INPP5A: variants seen among roughly 807,000 people sequenced by gnomAD.
The protein encoded by INPP5A is 43 kDa inositol polyphosphate 5-phophatase.
A neutral mutation model predicts 65.2 loss-of-function variants in INPP5A; 14 were observed. The observed-to-expected ratio is 0.21, with a 90% CI of 0.14 to 0.34. The LOEUF (loss-of-function observed/expected upper bound fraction) is 0.34. Ranked by LOEUF, INPP5A falls within the 10% of genes least tolerant of loss-of-function variation. The pLI, the probability that INPP5A is intolerant of heterozygous loss-of-function variation, is 1.00. For missense variants in INPP5A, 431 were observed against 545.6 expected, an observed-to-expected ratio of 0.79 and a Z score of 2.09; for synonymous variants, 207 against 208.3, an observed-to-expected ratio of 0.99 and a Z score of 0.05.
intron 8 of INPP5A, among the ~76,000 whole-genome samples, chr10:132,719,923 A>G (rs1174285278): frequency 1.2e-3 from 127 of 102,656 alleles, no homozygotes; most frequent in East Asian, 4.1e-3. Context: ...CTGTCTGGGC[A>G]CCTTAGACGG....
intron 8 of INPP5A, among the ~76,000 whole-genome samples, chr10:132,722,427 TA>T (rs966808580): frequency 6.6e-6 from 1 of 152,188 alleles, no homozygotes; most frequent in Admixed American, 6.5e-5. Context: ...TCGAGTCTGA[TA>T]TTTTTTAGGG....
intron 2 of INPP5A, among the ~76,000 whole-genome samples, chr10:132,615,721 C>A (rs1018218911): frequency 2.0e-5 from 3 of 152,168 alleles, no homozygotes; most frequent in African/African-American, 7.2e-5. Context: ...AGGTGGGCAC[C>A]CTTGCTTGAA....
At chr10:132,739,400 G>GT (rs1846234620) in intron 9 of INPP5A, among the ~76,000 whole-genome samples, 1 of 152,244 alleles carries the variant, frequency 6.6e-6, no homozygotes, top group East Asian at 1.9e-4. Flanking sequence ...GAGGCCCGTG[G>GT]TGGGGGCGTG....
chr10:132,752,298 C>T (rs1043263677), intron 11 of INPP5A, among the ~76,000 whole-genome samples: 3 of 151,868 alleles, frequency 2.0e-5, no homozygotes, highest in African/African-American at 7.2e-5. Context: ...CCAGGGAAGC[C>T]CAGGGAGATG....
intron 1 of INPP5A, among the ~76,000 whole-genome samples, chr10:132,596,957 ATGTGTGCGTGTGTGCATGCG>A (rs2071707887): frequency 2.5e-5 from 3 of 119,346 alleles, no homozygotes; most frequent in African/African-American, 9.6e-5. Flanking sequence ...GTGTGCACAC[ATGTGTGCGTGTGTGCATGCG>A]TGTGTGCATG....
At chr10:132,609,019 C>G (rs1329061489) in intron 2 of INPP5A, among the ~76,000 whole-genome samples, 1 of 152,184 alleles carries the variant, frequency 6.6e-6, no homozygotes, top group Non-Finnish European at 1.5e-5. Flanking sequence ...TCCCAGCATG[C>G]AATGGTGCTC....
chr10:132,765,523 C>CAGAGAAAGCTTTATGGGTGGGCAGAG, intron 11 of INPP5A, among the ~76,000 whole-genome samples: 1 of 152,150 alleles, frequency 6.6e-6, no homozygotes, highest in Non-Finnish European at 1.5e-5. Flanking sequence ...TCTGGCGTCA[C>CAGAGAAAGCTTTATGGGTGGGCAGAG]CAACAGAGAA....
Position 132,545,891 on chromosome 10 carries a change from G to C in INPP5A, c.75+7720G>C, listed in dbSNP as rs1304414711. ...AAGGCCGACTGCCTCAATCGTGGTTGCTGCCTCCGCTCGGCCTGAGGTGAT... is the reference window on the plus strand; with the variant it reads ...AAGGCCGACTGCCTCAATCGTGGTTCCTGCCTCCGCTCGGCCTGAGGTGAT... On this transcript the variant is annotated intron_variant, in intron 1 of 15. Transcript: ENST00000368594. This position sits in a 1 kb window ranked among gnomAD's most constrained non-coding sequence, Gnocchi z 4.6. Among the ~76,000 whole-genome samples, 2 of 152,254 alleles carry C rather than the reference G, an allele frequency of 1.3e-5. No homozygotes were observed. The highest frequency in any genetic ancestry group is 2.9e-5 in the Non-Finnish European group (2 of 68,052).
chr10:132,638,261 C>A (rs1049467146), intron 2 of INPP5A, among the ~76,000 whole-genome samples: 1 of 152,182 alleles, frequency 6.6e-6, no homozygotes, highest in African/African-American at 2.4e-5. Context: ...TAGGCTGGGC[C>A]TCCCACTTTC....
rs924038550 is a variant in INPP5A, at chr10:132,538,858, C to G, written c.75+687C>G. On this transcript the variant is annotated intron_variant, in intron 1 of 15. Coordinates refer to ENST00000368594, the MANE Select transcript of INPP5A (RefSeq NM_005539.5). The surrounding 1 kb of genome is among the most constrained non-coding windows in gnomAD (Gnocchi z 4.1). ...TCACTGAATTCTAGCCCTAGAATCC[C>G]AGCCTTCATACTGTGGCCCTTTGCC... 1.3e-5 allele frequency among the ~76,000 whole-genome samples: 2 copies of G among 152,232 alleles called. No homozygotes were observed. The highest frequency in any genetic ancestry group is 2.9e-5 in the Non-Finnish European group (2 of 68,038).
intron 1 of INPP5A, among the ~76,000 whole-genome samples, chr10:132,585,824 C>A (rs183754778): frequency 6.6e-6 from 1 of 152,326 alleles, no homozygotes; most frequent in East Asian, 1.9e-4. Context: ...GTGTCGTCAG[C>A]GGCTGCCCTG....
chr10:132,665,319 C>T (rs903316562), intron 4 of INPP5A, among the ~76,000 whole-genome samples: 3 of 152,232 alleles, frequency 2.0e-5, no homozygotes, highest in African/African-American at 7.2e-5. Flanking sequence ...CAGAAACGCC[C>T]TTCCTAGGAG....
chr10:132,673,057 T>C (rs1289339288), intron 4 of INPP5A, among the ~76,000 whole-genome samples: 1 of 152,350 alleles, frequency 6.6e-6, no homozygotes, highest in African/African-American at 2.4e-5. Flanking sequence ...CTGTATTCCA[T>C]GTATACTCTT....
chr10:132,732,163 T>A (rs1036124242), intron 9 of INPP5A, among the ~76,000 whole-genome samples: 2 of 152,264 alleles, frequency 1.3e-5, no homozygotes, highest in East Asian at 3.9e-4. Flanking sequence ...CCCTGGCTTA[T>A]AATGCCCTCA....
intron 2 of INPP5A, among the ~76,000 whole-genome samples, chr10:132,624,786 G>A (rs1003201039): frequency 2.0e-5 from 3 of 152,084 alleles, no homozygotes; most frequent in Non-Finnish European, 2.9e-5. Flanking sequence ...TGTCCAGAGG[G>A]GCTTCTCCGT....
rs2071565707 is a variant in INPP5A at position 132,587,888 on chromosome 10, TG to T, written c.76-20026del. Among the ~76,000 whole-genome samples the T allele has an allele frequency of 6.6e-6, 1 of 151,994 alleles. No individual in the cohort carries two copies. The highest frequency in any genetic ancestry group is 2.1e-4 in the South Asian group (1 of 4,824). On this transcript the variant is annotated intron_variant, in intron 1 of 15. Coordinates refer to ENST00000368594, the MANE Select transcript of INPP5A (RefSeq NM_005539.5). This position sits in a 1 kb window ranked among gnomAD's most constrained non-coding sequence, Gnocchi z 4.3. ...TTAGCCGGGCATGGTGGTGCACGCC[TG>T]TAATCCCAGCTACTTAGGAGGCTGA...
At chr10:132,661,043 G>A (rs933115582) in intron 4 of INPP5A, among the ~76,000 whole-genome samples, 1 of 152,168 alleles carries the variant, frequency 6.6e-6, no homozygotes, top group Non-Finnish European at 1.5e-5. Context: ...ATGCCGGATG[G>A]AGCATAGCCA....
At chr10:132,713,925 G>A (rs1293081104) in intron 8 of INPP5A, among the ~76,000 whole-genome samples, 1 of 152,162 alleles carries the variant, frequency 6.6e-6, no homozygotes, top group African/African-American at 2.4e-5. Flanking sequence ...TGCCCTGGGC[G>A]CCCTCCCTGG....
rs1184513362 is a variant in INPP5A, at chr10:132,753,863, A to G, written c.903+4018A>G. On this transcript the variant is annotated intron_variant, in intron 11 of 15. Coordinates refer to ENST00000368594, the MANE Select transcript of INPP5A (RefSeq NM_005539.5). The surrounding 1 kb of genome is among the most constrained non-coding windows in gnomAD (Gnocchi z 5.3). ...CAGCCGCTGCCTTGTCATTGTCCAC[A>G]CGGCCCTGCCTGCCTTCACTTTGTA... 1 of 152,206 alleles carries G rather than the reference A, an allele frequency of 6.6e-6. No individual in the cohort carries two copies. The highest frequency in any genetic ancestry group is 1.5e-5 in the Non-Finnish European group (1 of 68,032). The allele number at this position is 152,206 out of a possible 1,614,324, so 9.4% of individuals were successfully genotyped here.
Sources: allele counts gnomAD v4.1 joint callset (sites outside exome capture counted in the v4.1 genomes callset), GRCh38; gene constraint gnomAD v4.1.1; non-coding constraint Gnocchi (gnomAD v3.1); transcripts MANE v1.5; gene names NCBI Gene and HGNC (gene_info 2026-07-23, HGNC 2026-07-21).